TRIM55: variants seen among roughly 807,000 people sequenced by gnomAD.
The protein encoded by TRIM55 is tripartite motif containing 55.
In TRIM55, 50 loss-of-function variants were observed where a neutral mutation model predicts 60.9. That is an observed-to-expected ratio of 0.82 (90% confidence interval 0.65 to 1.04). TRIM55 has a LOEUF of 1.04. TRIM55 is among the 50% of genes least tolerant of loss of function. TRIM55 has a pLI of 0.00. For synonymous variants in TRIM55, 237 were observed against 238.1 expected (o/e 1.00, Z 0.04); for missense variants, 681 against 666.9 (o/e 1.02, Z -0.23).
the TRIM55 span, among the ~76,000 whole-genome samples, chr8:66,115,430 T>C: frequency 2.0e-5 from 3 of 152,182 alleles, no homozygotes; most frequent in Non-Finnish European, 4.4e-5. Flanking sequence ...TCCCAGTTTC[T>C]AGTTTGGGAT....
intron 4 of TRIM55, among the ~76,000 whole-genome samples, chr8:66,146,627 T>G (rs1476031554): frequency 6.6e-6 from 1 of 152,222 alleles, no homozygotes; most frequent in Admixed American, 6.5e-5. Context: ...TGGAAACCAT[T>G]ATATGATCAC....
chr8:66,134,890 G>A (rs1194867319), intron 2 of TRIM55, 100 bp from the exon 3 acceptor site: 5 of 1,279,118 alleles, frequency 3.9e-6, no homozygotes, highest in Non-Finnish European at 5.4e-6. Context: ...GGGCATACAG[G>A]GAAGAGAAGG....
the TRIM55 span, chr8:66,114,694 G>A: frequency 8.8e-6 from 4 of 453,744 alleles, no homozygotes; most frequent in Non-Finnish European, 1.3e-5. Flanking sequence ...GAACTGTTCG[G>A]CCCCATCTCA....
Position 66,174,509 on chromosome 8 carries a change from A to G in TRIM55, c.1563A>G (p.Ala521=). Residue 521 remains alanine, a synonymous_variant, in exon 10 of 10, where the codon GCA becomes GCG. Transcript: ENST00000315962. ...FEAPPLQGQA[A]APASGSGADS... ...CTCCTCCCCTCCAGGGACAGGCTGC[A>G]GCTCCAGCGAGTGGCAGTGGAGCTG... 6.2e-7 allele frequency: 1 copy of G among 1,612,500 alleles called. No individual in the cohort carries two copies. Among genetic ancestry groups the G allele is most frequent in the Non-Finnish European group, 8.5e-7 (1 of 1,179,584 alleles).
rs1301695756 is a variant in TRIM55, at chr8:66,127,563, ACGCCTGTAGTCCCAG to A, written c.168+129_168+143del. On this transcript the variant is annotated intron_variant, in intron 1 of 9. Coordinates refer to ENST00000315962, the MANE Select transcript of TRIM55 (RefSeq NM_184085.2). Reference sequence around the variant, plus strand: ...ATAAGGTTGCCGGGCGCTTTGGCTCACGCCTGTAGTCCCAGCACTTTGGGAGGCTGAGGCCAGTGG... The same window carrying A: ...ATAAGGTTGCCGGGCGCTTTGGCTCACACTTTGGGAGGCTGAGGCCAGTGG... 1.4e-5 allele frequency: 15 copies of A among 1,098,056 alleles called. No homozygotes were observed. In the African/African-American group the frequency reaches 2.3e-4, roughly 17 times the overall value. The allele number at this position is 1,098,056 out of a possible 1,614,324, so 68.0% of individuals were successfully genotyped here. A position where few individuals can be genotyped will look rare whatever the true frequency, so the allele number is the denominator to read the frequency against.
At chr8:66,157,875 C>CA (rs1810832588) in intron 9 of TRIM55, among the ~76,000 whole-genome samples, 1 of 152,142 alleles carries the variant, frequency 6.6e-6, no homozygotes, top group African/African-American at 2.4e-5. Flanking sequence ...CCGGTCATGG[C>CA]AAAAACCAAA....
At chr8:66,114,399 C>T in the TRIM55 span, among the ~76,000 whole-genome samples, 1 of 152,124 alleles carries the variant, frequency 6.6e-6, no homozygotes, top group Non-Finnish European at 1.5e-5. Flanking sequence ...GAGTGGTGGG[C>T]GCTAGCAGTT....
At chr8:66,149,071 C>CA (rs1454039194) in intron 4 of TRIM55, among the ~76,000 whole-genome samples, 2 of 151,880 alleles carry the variant, frequency 1.3e-5, no homozygotes, top group African/African-American at 2.4e-5. Flanking sequence ...AAGGAAAGAA[C>CA]AAAAAAACAT....
chr8:66,114,781 T>C, the TRIM55 span: 10 of 358,872 alleles, frequency 2.8e-5, no homozygotes, highest in South Asian at 1.0e-4. Context: ...CCTGGAGAGG[T>C]GAGTGGATAA....
chr8:66,157,986 T>C (rs574696968), intron 9 of TRIM55, among the ~76,000 whole-genome samples: 1 of 152,182 alleles, frequency 6.6e-6, no homozygotes, highest in South Asian at 2.1e-4. Context: ...AAAAGCAAGG[T>C]TTGGATTCAG....
chr8:66,161,696 G>A (rs1811059507), intron 9 of TRIM55, among the ~76,000 whole-genome samples: 1 of 135,316 alleles, frequency 7.4e-6, no homozygotes, highest in Non-Finnish European at 1.5e-5. Context: ...TCTTTCCACA[G>A]TGTTTTGTAG....
At chr8:66,140,670 G>A (rs1809755181) in intron 4 of TRIM55, among the ~76,000 whole-genome samples, 1 of 152,270 alleles carries the variant, frequency 6.6e-6, no homozygotes, top group African/African-American at 2.4e-5. Flanking sequence ...CTGCAAGGCA[G>A]GACAACATGC....
chr8:66,155,626 T>G (rs1320512604), intron 9 of TRIM55: 1 of 1,600,170 alleles, frequency 6.2e-7, no homozygotes, highest in South Asian at 1.1e-5. Flanking sequence ...CTCACAGGAG[T>G]TAGTAATCTG....
rs150193661 is a variant in TRIM55 at position 66,135,039 on chromosome 8, C to T, written c.391C>T (p.Arg131Cys). ...QPMCEEHEEE[R>C]INIYCLNCEV... Reference sequence around the variant, plus strand: ...CATGTGCGAGGAACATGAAGAGGAGCGCATCAACATCTACTGTCTGAACTG... The same window carrying T: ...CATGTGCGAGGAACATGAAGAGGAGTGCATCAACATCTACTGTCTGAACTG... Residue 131 changes from arginine (R) to cysteine (C), a missense_variant, in exon 3 of 10, where the codon CGC becomes TGC. Transcript: ENST00000315962. The T allele has an allele frequency of 1.1e-4, 182 of 1,614,158 alleles. 1 individual carries two copies. Among genetic ancestry groups the T allele is most frequent in the African/African-American group, 1.1e-3 (79 of 75,032 alleles).
At position 66,171,337 on chromosome 8, in the gene TRIM55, A is replaced by G. The variant is rs541573637; in HGVS notation, c.1525-3134A>G. Among the ~76,000 whole-genome samples the G allele has an allele frequency of 2.1e-3, 322 of 151,862 alleles. 2 individuals carry two copies. The highest frequency in any genetic ancestry group is 3.4e-3 in the Middle Eastern group (1 of 294). ...TTAGCTCCCACTGATAAGTGAGAAC[A>G]TGTGGTATTTGGTTTTCCGTTTCTG... On this transcript the variant is annotated intron_variant, in intron 9 of 9. Transcript: ENST00000315962.
chr8:66,165,361 G>A (rs1324085748), intron 9 of TRIM55, among the ~76,000 whole-genome samples: 1 of 152,078 alleles, frequency 6.6e-6, no homozygotes, highest in East Asian at 1.9e-4. Context: ...AGAGATGCAG[G>A]AGGCTAGAGG....
chr8:66,157,757 G>A (rs1810825837), intron 9 of TRIM55, among the ~76,000 whole-genome samples: 1 of 152,132 alleles, frequency 6.6e-6, no homozygotes, highest in Non-Finnish European at 1.5e-5. Context: ...CATGTACACA[G>A]TGAAACATGC....
chr8:66,153,679 GT>G (rs1327519182), intron 8 of TRIM55, among the ~76,000 whole-genome samples: 1 of 152,106 alleles, frequency 6.6e-6, no homozygotes, highest in African/African-American at 2.4e-5. Context: ...TTATAATGAG[GT>G]TTTTGGGACT....
chr8:66,152,513 A>C lies in TRIM55; in HGVS notation c.1122A>C (p.Glu374Asp). The change falls in exon 8 of 10, where the codon GAA becomes GAC. Residue 374 changes from glutamate (E) to aspartate (D), a missense_variant. Transcript: ENST00000315962. The stretch of plus-strand genomic sequence containing the variant: ...TTCCAGGAGAAGATGAAAACCCAGA[A>C]AAAGCTTCAGAGCTCTCTCAGGTGG... ...TEFPGEDENP[E>D]KASELSQVEL... 6.2e-7 allele frequency: 1 copy of C among 1,614,108 alleles called. No homozygotes were observed. The highest frequency in any genetic ancestry group is 2.2e-5 in the East Asian group (1 of 44,878).
Sources: allele counts gnomAD v4.1 joint callset (sites outside exome capture counted in the v4.1 genomes callset), GRCh38; gene constraint gnomAD v4.1.1; transcripts MANE v1.5; gene names NCBI Gene and HGNC (gene_info 2026-07-23, HGNC 2026-07-21).